Variants in MMS22L observed in about 807,000 individuals in gnomAD.
The protein encoded by MMS22L is MMS22 like, DNA repair protein, also known as protein MMS22-like.
A neutral mutation model predicts 159.1 loss-of-function variants in MMS22L; 74 were observed. The ratio of observed to expected loss-of-function variants is 0.47; its 90% CI spans 0.39 to 0.56. The LOEUF (loss-of-function observed/expected upper bound fraction) is 0.56. MMS22L is among the 20% of genes least tolerant of loss of function. The pLI is 0.00. For missense variants in MMS22L, 1,351 were observed against 1,422.1 expected, an observed-to-expected ratio of 0.95 and a Z score of 0.80; for synonymous variants, 517 against 506.9, an observed-to-expected ratio of 1.02 and a Z score of -0.27.
At chr6:97,185,182 T>C (rs899550693) in intron 15 of MMS22L, among the ~76,000 whole-genome samples, 3 of 152,144 alleles carry the variant, frequency 2.0e-5, no homozygotes, top group South Asian at 2.1e-4. Flanking sequence ...TCCCACAGCA[T>C]TTATCACCAC....
intron 11 of MMS22L, among the ~76,000 whole-genome samples, chr6:97,240,332 A>T (rs1811916761): frequency 6.6e-6 from 1 of 152,190 alleles, no homozygotes; most frequent in Non-Finnish European, 1.5e-5. Context: ...AGATATTTTG[A>T]CTTTATGCTA....
At chr6:97,225,420 G>A (rs1355185005) in intron 14 of MMS22L, among the ~76,000 whole-genome samples, 1 of 150,896 alleles carries the variant, frequency 6.6e-6, no homozygotes, top group Non-Finnish European at 1.5e-5. Context: ...GCGTGATCTC[G>A]GCTTACTGCA....
chr6:97,274,665 G>A lies in MMS22L; in HGVS notation c.341-1603C>T, dbSNP rs1024040007. On this transcript the variant is annotated intron_variant, in intron 4 of 24. Transcript: ENST00000683635. ...CTCACTCTTTGAGATGAGGAGATATGGGATCCAAGTTTAGGGAAGTCCAAA... is the reference window on the plus strand; with the variant it reads ...CTCACTCTTTGAGATGAGGAGATATAGGATCCAAGTTTAGGGAAGTCCAAA... Among the ~76,000 whole-genome samples, 13 of 152,154 alleles carry A rather than the reference G, an allele frequency of 8.5e-5. No homozygotes were observed. In the East Asian group the frequency reaches 2.5e-3, roughly 29 times the overall value.
intron 14 of MMS22L, among the ~76,000 whole-genome samples, chr6:97,192,541 G>A (rs1195635718): frequency 4.6e-5 from 7 of 152,168 alleles, no homozygotes; most frequent in African/African-American, 1.4e-4. Flanking sequence ...CACTTTCATA[G>A]ACTGTAAGGC....
chr6:97,183,039 G>A (rs1030252278), intron 15 of MMS22L, among the ~76,000 whole-genome samples: 6 of 151,860 alleles, frequency 4.0e-5, no homozygotes, highest in South Asian at 2.1e-4. Context: ...TCCATTCTAC[G>A]TCAGCCATTC....
At chr6:97,226,366 G>A (rs561599118) in intron 14 of MMS22L, among the ~76,000 whole-genome samples, 11 of 152,204 alleles carry the variant, frequency 7.2e-5, no homozygotes, top group South Asian at 2.1e-4. Context: ...AGGCCGAGGC[G>A]GGTGGATCAC....
intron 2 of MMS22L, among the ~76,000 whole-genome samples, chr6:97,281,950 T>G (rs1816790286): frequency 6.6e-6 from 1 of 152,214 alleles, no homozygotes. Context: ...AAAAAATGTT[T>G]GTCTCTCTTA....
chr6:97,180,352 T>C (rs1402849680), intron 16 of MMS22L, among the ~76,000 whole-genome samples: 2 of 152,126 alleles, frequency 1.3e-5, no homozygotes, highest in African/African-American at 2.4e-5. Context: ...CCGCCTGCCT[T>C]GTCCTTCCAA....
At chr6:97,283,590 T>C (rs1298306036), upstream of MMS22L, 1 of 152,242 alleles carries the variant, frequency 6.6e-6, no homozygotes, top group Non-Finnish European at 1.5e-5. Flanking sequence ...CTTTTGTCCA[T>C]GGACTGTGAG....
intron 11 of MMS22L, among the ~76,000 whole-genome samples, chr6:97,241,336 T>A (rs1432925093): frequency 6.6e-6 from 1 of 152,244 alleles, no homozygotes; most frequent in Non-Finnish European, 1.5e-5. Context: ...CACTGATAGA[T>A]CAAATGTTAG....
intron 14 of MMS22L, among the ~76,000 whole-genome samples, chr6:97,228,027 T>C (rs1810441744): frequency 6.6e-6 from 1 of 152,212 alleles, no homozygotes; most frequent in African/African-American, 2.4e-5. Flanking sequence ...ACTGGTTTAT[T>C]TCAAAGCATT....
chr6:97,178,104 C>T (rs1804308209), intron 18 of MMS22L, among the ~76,000 whole-genome samples: 1 of 152,106 alleles, frequency 6.6e-6, no homozygotes, highest in Non-Finnish European at 1.5e-5. Flanking sequence ...GGAATGTTTA[C>T]AAGGATATTC....
chr6:97,150,579 A>T (rs1801223777), intron 23 of MMS22L, among the ~76,000 whole-genome samples: 1 of 152,196 alleles, frequency 6.6e-6, no homozygotes, highest in Non-Finnish European at 1.5e-5. Context: ...CAAAATGAAA[A>T]GCCACCTCGC....
chr6:97,162,263 CA>C (rs1802527264), intron 21 of MMS22L, 98 bp from the exon 22 acceptor site: 1 of 891,370 alleles, frequency 1.1e-6, no homozygotes, highest in Non-Finnish European at 1.7e-6. Flanking sequence ...ATTTACCCCC[CA>C]AATTAATACA....
intron 20 of MMS22L, among the ~76,000 whole-genome samples, chr6:97,166,650 T>G (rs143275659): frequency 8.9e-4 from 136 of 152,174 alleles, no homozygotes; most frequent in African/African-American, 3.1e-3. Flanking sequence ...CTGGGTACCA[T>G]GAAGAAATTA....
chr6:97,195,180 G>C (rs1806354985), intron 14 of MMS22L, among the ~76,000 whole-genome samples: 1 of 152,168 alleles, frequency 6.6e-6, no homozygotes, highest in African/African-American at 2.4e-5. Flanking sequence ...GGTATATGGG[G>C]AAGAATATTC....
intron 9 of MMS22L, among the ~76,000 whole-genome samples, chr6:97,255,281 G>A (rs1813679282): frequency 6.6e-6 from 1 of 152,036 alleles, no homozygotes; most frequent in Non-Finnish European, 1.5e-5. Flanking sequence ...TCATGTAAAT[G>A]TTCAAGTTAT....
intron 17 of MMS22L, 39 bp from the exon 18 acceptor site, chr6:97,178,624 T>G: frequency 9.1e-7 from 1 of 1,101,558 alleles, no homozygotes; most frequent in East Asian, 2.6e-5. Context: ...TCAATTTATA[T>G]AACATACTAT....
rs1582520587 is a variant in MMS22L, at chr6:97,186,702, T to TA, written c.2040-13dup. 1 of 1,497,908 alleles carries TA rather than the reference T, an allele frequency of 6.7e-7. No individual in the cohort carries two copies. Among genetic ancestry groups the TA allele is most frequent in the Non-Finnish European group, 8.9e-7 (1 of 1,120,680 alleles). 92.8% of individuals were successfully genotyped at this position (1,497,908 alleles called of 1,614,324 possible). A position where few individuals can be genotyped will look rare whatever the true frequency, so the allele number is the denominator to read the frequency against. On this transcript the variant is annotated splice_polypyrimidine_tract_variant and intron_variant, in intron 14 of 24. Coordinates refer to ENST00000683635, the MANE Select transcript of MMS22L (RefSeq NM_001350599.2). ...GTTGATGCATACTCCTAAAAAGAAA[T>TA]AAAAATACAGCTAACACCCTTAATA...
Sources: gnomAD v4.1 joint callset for allele counts (sites outside exome capture counted in the v4.1 genomes callset) on GRCh38, gnomAD v4.1.1 for gene constraint, MANE v1.5 for transcripts, NCBI Gene and HGNC (gene_info 2026-07-23, HGNC 2026-07-21) for gene names.